The following PDZRN3 variants were observed in gnomAD, a reference collection of about 807,000 sequenced individuals.
PDZRN3 encodes the protein E3 ubiquitin-protein ligase PDZRN3.
PDZRN3 carries 38 observed loss-of-function variants against 85.7 expected under a neutral mutation model. The ratio of observed to expected loss-of-function variants is 0.44; its 90% CI spans 0.34 to 0.58. The LOEUF (loss-of-function observed/expected upper bound fraction) is 0.58, where lower values mean the gene tolerates loss of function less well. PDZRN3 is among the 20% of genes least tolerant of loss of function. The pLI, the probability that PDZRN3 is intolerant of heterozygous loss-of-function variation, is 0.01. For synonymous variants in PDZRN3, 759 were observed against 638.0 expected (o/e 1.19, Z -2.86); for missense variants, 1,629 against 1,506.4 (o/e 1.08, Z -1.35).
chr3:73,535,557 G>A (rs919836891), intron 3 of PDZRN3, among the ~76,000 whole-genome samples: 8 of 152,150 alleles, frequency 5.3e-5, no homozygotes, highest in Admixed American at 1.3e-4. Context: ...AAAGGCTCTC[G>A]AGAAAATAAA....
At chr3:73,413,671 C>G (rs12053829) in intron 3 of PDZRN3, among the ~76,000 whole-genome samples, 93,039 of 151,924 alleles carry the variant, frequency 0.61, 28,726 homozygotes, top group East Asian at 0.86. Flanking sequence ...GGCTGTAAAG[C>G]AAAGGAGGCC....
At chr3:73,503,387 C>T (rs1188735431) in intron 3 of PDZRN3, among the ~76,000 whole-genome samples, 1 of 152,064 alleles carries the variant, frequency 6.6e-6, no homozygotes, top group Non-Finnish European at 1.5e-5. Context: ...AATGCATAAC[C>T]AAAGTCTAGC....
At chr3:73,416,905 T>A (rs1384687106) in intron 3 of PDZRN3, among the ~76,000 whole-genome samples, 1 of 147,296 alleles carries the variant, frequency 6.8e-6, no homozygotes, top group Non-Finnish European at 1.5e-5. Context: ...TTTTTTTTTT[T>A]TTTTGAGACA....
At chr3:73,457,919 T>A (rs1473957264) in intron 3 of PDZRN3, among the ~76,000 whole-genome samples, 1 of 152,092 alleles carries the variant, frequency 6.6e-6, no homozygotes, top group African/African-American at 2.4e-5. Flanking sequence ...CTGCAAGAAG[T>A]AAAGTTCTGT....
intron 3 of PDZRN3, among the ~76,000 whole-genome samples, chr3:73,593,295 C>T (rs777983640): frequency 2.0e-5 from 3 of 152,096 alleles, no homozygotes; most frequent in East Asian, 1.9e-4. Flanking sequence ...GAATTTAATG[C>T]GGACATTGGT....
chr3:73,391,087 C>G lies in PDZRN3; in HGVS notation c.1284G>C (p.Gln428His), dbSNP rs1287229264. The G allele has an allele frequency of 6.2e-7, 1 of 1,613,848 alleles. No homozygotes were observed. Among genetic ancestry groups the G allele is most frequent in the East Asian group, 2.2e-5 (1 of 44,878 alleles). The change falls in exon 6 of 10, where the codon CAG (glutamine) becomes CAC (histidine). Residue 428 changes from glutamine to histidine, a missense_variant. By Grantham distance (24) the Gln-to-His change is conservative (BLOSUM62 0). Transcript: ENST00000263666. The stretch of plus-strand genomic sequence containing the variant: ...AGCACACAGTGAGGCCCAGCTTGTC[C>G]TGGCTGTTCATTCTGTAGAGGTCCA... ...EEVDLYRMNS[Q>H]DKLGLTVCYR...
chr3:73,588,943 C>A (rs754778933), intron 3 of PDZRN3, among the ~76,000 whole-genome samples: 1 of 152,132 alleles, frequency 6.6e-6, no homozygotes, highest in East Asian at 1.9e-4. Context: ...GATTTTTCTC[C>A]GATGAAGGGG....
chr3:73,446,362 T>A (rs2106832064), intron 3 of PDZRN3, among the ~76,000 whole-genome samples: 1 of 152,284 alleles, frequency 6.6e-6, no homozygotes, highest in Middle Eastern at 3.4e-3. Context: ...TAATGACCAA[T>A]CATACCGTGT....
rs5850113 is a variant in PDZRN3, at chr3:73,492,984, CTTTTTTTTT to C, written c.919-88598_919-88590del. Among the ~76,000 whole-genome samples the C allele has an allele frequency of 5.9e-4, 61 of 104,048 alleles. 1 individual carries two copies. The Middle Eastern group carries it at 0.027, about 46-fold the overall frequency. 68.3% of individuals were successfully genotyped at this position (104,048 alleles called of 152,430 possible). A position where few individuals can be genotyped will look rare whatever the true frequency, so the allele number is the denominator to read the frequency against. ...TAGACTAGATGGAAGGCTTTTCAAC[CTTTTTTTTT>C]TTTTTTTTTGGCCCTCCTTACACTT... On this transcript the variant is annotated intron_variant, in intron 3 of 9. Coordinates refer to ENST00000263666, the MANE Select transcript of PDZRN3 (RefSeq NM_015009.3).
intron 3 of PDZRN3, among the ~76,000 whole-genome samples, chr3:73,584,457 GTGTGTGTGTGTGTGTGT>G (rs1702249094): frequency 3.8e-5 from 2 of 52,806 alleles, no homozygotes; most frequent in Admixed American, 1.6e-4. Context: ...TTAATGGTGT[GTGTGTGTGTGTGTGTGT>G]GTGTGTGTGT....
chr3:73,411,239 C>T (rs1322104471), intron 3 of PDZRN3, among the ~76,000 whole-genome samples: 2 of 152,332 alleles, frequency 1.3e-5, no homozygotes, highest in East Asian at 1.9e-4. Context: ...TCTGGCCAAG[C>T]TCTCCTGCTG....
At chr3:73,424,406 T>C (rs1214030510) in intron 3 of PDZRN3, among the ~76,000 whole-genome samples, 1 of 141,414 alleles carries the variant, frequency 7.1e-6, no homozygotes, top group African/African-American at 2.7e-5. Context: ...CTGAGTGTAG[T>C]GGCAGGTGCC....
intron 3 of PDZRN3, among the ~76,000 whole-genome samples, chr3:73,563,667 G>A (rs1575739402): frequency 6.6e-6 from 1 of 152,126 alleles, no homozygotes; most frequent in South Asian, 2.1e-4. Flanking sequence ...GCAGAGTTAA[G>A]TAGTCATGAC....
chr3:73,404,850 C>A (rs572556370), intron 3 of PDZRN3, among the ~76,000 whole-genome samples: 1 of 152,330 alleles, frequency 6.6e-6, no homozygotes, highest in Admixed American at 6.5e-5. Context: ...CTTAATAATC[C>A]TTTCGCTCTT....
chr3:73,600,337 A>ACACACTCTCTCTCTCTCTCTCTCT (rs34405662), intron 3 of PDZRN3, among the ~76,000 whole-genome samples: 1 of 100,052 alleles, frequency 1.0e-5, no homozygotes, highest in African/African-American at 4.3e-5. Context: ...ACACACACAC[A>ACACACTCTCTCTCTCTCTCTCTCT]CTCTCTCTCT....
At chr3:73,606,344 T>G (rs1435884484) in intron 2 of PDZRN3, among the ~76,000 whole-genome samples, 1 of 152,204 alleles carries the variant, frequency 6.6e-6, no homozygotes, top group Non-Finnish European at 1.5e-5. Context: ...GATGGTAAGT[T>G]GTAGAACATG....
chr3:73,549,669 G>A (rs1370560531), intron 3 of PDZRN3, among the ~76,000 whole-genome samples: 1 of 152,206 alleles, frequency 6.6e-6, no homozygotes, highest in African/African-American at 2.4e-5. Context: ...AAAGAGAAAT[G>A]TAGGGCGTGA....
intron 5 of PDZRN3, among the ~76,000 whole-genome samples, chr3:73,393,767 AAAG>A (rs1701578845): frequency 1.3e-5 from 2 of 152,208 alleles, no homozygotes; most frequent in Admixed American, 6.5e-5. Context: ...AAAGACTCCT[AAAG>A]AATGTGATAG....
intron 3 of PDZRN3, among the ~76,000 whole-genome samples, chr3:73,407,748 T>C (rs1701883335): frequency 6.6e-6 from 1 of 152,196 alleles, no homozygotes. Flanking sequence ...AAGAAAATGA[T>C]GCATGAAGGA....
Sources: allele counts gnomAD v4.1 joint callset (sites outside exome capture counted in the v4.1 genomes callset), GRCh38; gene constraint gnomAD v4.1.1; transcripts MANE v1.5; gene names NCBI Gene and HGNC (gene_info 2026-07-23, HGNC 2026-07-21).